GALNT17: variants seen among roughly 807,000 people sequenced by gnomAD.
GALNT17 encodes the protein UDP-GalNAc:polypeptide N-acetylgalactosaminyltransferase-like 3.
Under a neutral mutation model 63.7 loss-of-function variants are expected in GALNT17, and 29 were observed. The ratio of observed to expected loss-of-function variants is 0.46; its 90% CI spans 0.34 to 0.62. GALNT17 has a LOEUF of 0.62. Ranked by LOEUF, GALNT17 falls within the 20% of genes least tolerant of loss-of-function variation. The pLI, the probability that GALNT17 is intolerant of heterozygous loss-of-function variation, is 0.01. For missense variants in GALNT17, 603 were observed against 799.6 expected (o/e 0.75, Z 2.97); for synonymous variants, 305 against 318.3 (o/e 0.96, Z 0.45).
At position 71,591,311 on chromosome 7, in the gene GALNT17, CT is replaced by C. The variant is rs1455617847; in HGVS notation, c.1080+19910del. Among the ~76,000 whole-genome samples, 6 of 152,192 alleles carry C rather than the reference CT, an allele frequency of 3.9e-5. No individual in the cohort carries two copies. The South Asian group carries it at 8.3e-4, about 21-fold the overall frequency. ...CCTCAGGTGATCTGCCCACCTCAGC[CT>C]CCCAGAGTGCTGGGATTACAGGCGT... On this transcript the variant is annotated intron_variant, in intron 6 of 10. Transcript: ENST00000333538.
chr7:71,513,752 A>G (rs1308048134), intron 5 of GALNT17, among the ~76,000 whole-genome samples: 3 of 152,018 alleles, frequency 2.0e-5, no homozygotes, highest in African/African-American at 7.3e-5. Context: ...AAAAGTATGT[A>G]GGAAAATTTA....
At chr7:71,230,412 C>T (rs947876762) in intron 1 of GALNT17, among the ~76,000 whole-genome samples, 2 of 152,262 alleles carry the variant, frequency 1.3e-5, no homozygotes, top group Admixed American at 1.3e-4. Flanking sequence ...ATGCAGCCCA[C>T]GTTCAAGAAA....
At chr7:71,652,674 T>G (rs1790770553) in intron 6 of GALNT17, among the ~76,000 whole-genome samples, 1 of 152,252 alleles carries the variant, frequency 6.6e-6, no homozygotes, top group African/African-American at 2.4e-5. Context: ...ACGTAATTTA[T>G]GCGTTAAATT....
intron 5 of GALNT17, among the ~76,000 whole-genome samples, chr7:71,492,527 CA>C (rs1252535984): frequency 6.6e-6 from 1 of 152,110 alleles, no homozygotes; most frequent in African/African-American, 2.4e-5. Flanking sequence ...TGCAAGGAGC[CA>C]CTATCCTCAT....
At chr7:71,670,351 T>C (rs1342360346) in intron 8 of GALNT17, among the ~76,000 whole-genome samples, 3 of 152,176 alleles carry the variant, frequency 2.0e-5, no homozygotes, top group Admixed American at 6.5e-5. Context: ...ATGTAGCAGA[T>C]AATGAATCCT....
chr7:71,374,502 G>A (rs144086494), intron 2 of GALNT17, among the ~76,000 whole-genome samples: 68 of 152,338 alleles, frequency 4.5e-4, no homozygotes, highest in African/African-American at 1.5e-3. Flanking sequence ...TGAGGCTCAC[G>A]CTTGGAGCTG....
At chr7:71,261,101 G>A (rs1006198976) in intron 1 of GALNT17, among the ~76,000 whole-genome samples, 5 of 152,190 alleles carry the variant, frequency 3.3e-5, no homozygotes, top group Admixed American at 2.6e-4. Flanking sequence ...CCCATGCTCA[G>A]GCTATACTCC....
intron 1 of GALNT17, among the ~76,000 whole-genome samples, chr7:71,238,666 CTCT>C (rs1789939231): frequency 6.6e-6 from 1 of 152,162 alleles, no homozygotes; most frequent in Non-Finnish European, 1.5e-5. Context: ...TGGTGCCTCT[CTCT>C]GTGTGCGGTT....
chr7:71,600,678 G>T (rs1018391518), intron 6 of GALNT17, among the ~76,000 whole-genome samples: 1 of 152,176 alleles, frequency 6.6e-6, no homozygotes, highest in Non-Finnish European at 1.5e-5. Flanking sequence ...GTCCCTGGAG[G>T]AATGGGACCT....
chr7:71,519,586 C>T (rs1453862926), intron 5 of GALNT17, among the ~76,000 whole-genome samples: 2 of 152,160 alleles, frequency 1.3e-5, no homozygotes, highest in African/African-American at 4.8e-5. Flanking sequence ...GCCTCACCCT[C>T]CCGAGTAGCT....
rs143701430 is a variant in GALNT17 at position 71,434,054 on chromosome 7, C to G, written c.962+12949C>G. ...GAACATCAGACTCCAATTTCTTCAG[C>G]TTTTGGACTCTTGGGCTTACACCAG... On this transcript the variant is annotated intron_variant, in intron 5 of 10. Transcript: ENST00000333538. Among the ~76,000 whole-genome samples the G allele has an allele frequency of 1.7e-3, 265 of 152,244 alleles. 1 individual carries two copies. The highest frequency in any genetic ancestry group is 6.1e-3 in the African/African-American group (253 of 41,552).
chr7:71,277,266 T>C (rs1469329082), intron 1 of GALNT17, among the ~76,000 whole-genome samples: 1 of 152,100 alleles, frequency 6.6e-6, no homozygotes, highest in Non-Finnish European at 1.5e-5. Context: ...ATGTTCTCAC[T>C]TACAAGTGGG....
chr7:71,636,426 C>T (rs529750686), intron 6 of GALNT17, among the ~76,000 whole-genome samples: 172 of 152,234 alleles, frequency 1.1e-3, no homozygotes, highest in African/African-American at 4.1e-3. Flanking sequence ...AGGGGAAGGG[C>T]CACATCTCCC....
In GALNT17 at chr7:71,232,097, C is replaced by T. The variant is rs140114068; in HGVS notation, c.238+99057C>T. ...ATTCTAGGATTGCTACATAGACCAG[C>T]GAACATGGGGAGATTCAGGGAGTGT... is the stretch of plus-strand genomic sequence containing the variant. On this transcript the variant is annotated intron_variant, in intron 1 of 10. Coordinates refer to ENST00000333538, the MANE Select transcript of GALNT17 (RefSeq NM_022479.3). Among the ~76,000 whole-genome samples, 555 of 152,074 alleles carry T rather than the reference C, an allele frequency of 3.6e-3. 1 individual carries two copies. The highest frequency in any genetic ancestry group is 5.6e-3 in the Admixed American group (85 of 15,276).
chr7:71,324,850 G>A (rs1791677921), intron 1 of GALNT17, among the ~76,000 whole-genome samples: 1 of 152,094 alleles, frequency 6.6e-6, no homozygotes, highest in Admixed American at 6.6e-5. Context: ...AATAATTGAA[G>A]TGCTTATTAT....
chr7:71,499,142 A>G (rs1314992021), intron 5 of GALNT17, among the ~76,000 whole-genome samples: 1 of 152,136 alleles, frequency 6.6e-6, no homozygotes, highest in Non-Finnish European at 1.5e-5. Flanking sequence ...GTCCAAGTTA[A>G]CTGCTATTTA....
chr7:71,380,049 G>A (rs1792815776), intron 2 of GALNT17, among the ~76,000 whole-genome samples: 1 of 152,168 alleles, frequency 6.6e-6, no homozygotes, highest in Non-Finnish European at 1.5e-5. Context: ...AGAGGAAATA[G>A]CGATTATACA....
chr7:71,174,707 C>T (rs1483149714), intron 1 of GALNT17, among the ~76,000 whole-genome samples: 1 of 152,058 alleles, frequency 6.6e-6, no homozygotes, highest in African/African-American at 2.4e-5. Context: ...GGGGAGATTA[C>T]AAAGTGCATT....
chr7:71,174,354 G>A (rs1788598991), intron 1 of GALNT17, among the ~76,000 whole-genome samples: 2 of 152,172 alleles, frequency 1.3e-5, no homozygotes, highest in Admixed American at 1.3e-4. Flanking sequence ...GAGATGTCAG[G>A]GGTCTGCACA....
Sources: gnomAD v4.1 joint callset for allele counts (sites outside exome capture counted in the v4.1 genomes callset) on GRCh38, gnomAD v4.1.1 for gene constraint, MANE v1.5 for transcripts, NCBI Gene and HGNC (gene_info 2026-07-23, HGNC 2026-07-21) for gene names.